Variants in MBP observed in about 807,000 individuals in gnomAD.
MBP encodes myelin basic protein.
Under a neutral mutation model 35.8 loss-of-function variants are expected in MBP, and 16 were observed. The ratio of observed to expected loss-of-function variants is 0.45; its 90% CI spans 0.30 to 0.68. The LOEUF (loss-of-function observed/expected upper bound fraction) is 0.68. Ranked by LOEUF, MBP falls within the 30% of genes least tolerant of loss-of-function variation. The pLI is 0.08. For synonymous variants in MBP, 143 were observed against 159.6 expected, an observed-to-expected ratio of 0.90 and a Z score of 0.78; for missense variants, 380 against 404.7, an observed-to-expected ratio of 0.94 and a Z score of 0.52.
chr18:77,093,654 A>C (rs1433345371), intron 2 of MBP, among the ~76,000 whole-genome samples: 1 of 152,176 alleles, frequency 6.6e-6, no homozygotes, highest in African/African-American at 2.4e-5. Context: ...TTACTGACTC[A>C]AAACGTTTGA....
intron 3 of MBP, among the ~76,000 whole-genome samples, chr18:77,031,977 G>A (rs1189946435): frequency 1.3e-5 from 2 of 152,256 alleles, no homozygotes; most frequent in African/African-American, 4.8e-5. Flanking sequence ...GAAACTTTGA[G>A]CGATGGCAAC....
chr18:77,014,990 C>T lies in MBP; in HGVS notation c.576+1842G>A, dbSNP rs181062822. The T allele has an allele frequency of 1.3e-4, 129 of 984,764 alleles. No homozygotes were observed. The Middle Eastern group carries it at 3.1e-3, about 24-fold the overall frequency. The allele number at this position is 984,764 out of a possible 1,614,324, so 61.0% of individuals were successfully genotyped here. The stretch of plus-strand genomic sequence containing the variant: ...TATGGGTCCTTGATAATTGGCCAGC[C>T]CTGTTTTGCAAAGAGATGGACTATT... On this transcript the variant is annotated intron_variant, in intron 4 of 8. Coordinates refer to ENST00000355994, the MANE Select transcript of MBP (RefSeq NM_001025101.2).
intron 3 of MBP, among the ~76,000 whole-genome samples, chr18:77,062,882 T>G (rs1347902170): frequency 6.6e-6 from 1 of 152,212 alleles, no homozygotes; most frequent in Non-Finnish European, 1.5e-5. Context: ...GGTATGCGTG[T>G]CCTGCAGAGT....
chr18:76,999,248 C>A (rs543100495), intron 4 of MBP, among the ~76,000 whole-genome samples: 1 of 152,234 alleles, frequency 6.6e-6, no homozygotes, highest in African/African-American at 2.4e-5. Context: ...ATGGGGGACG[C>A]TGAAGCGGGT....
intron 3 of MBP, among the ~76,000 whole-genome samples, chr18:77,043,806 G>A (rs996446788): frequency 6.6e-6 from 1 of 152,204 alleles, no homozygotes; most frequent in African/African-American, 2.4e-5. Flanking sequence ...ACACGCAGGA[G>A]CTGACACATC....
chr18:77,132,044 A>G, intron 1 of MBP, among the ~76,000 whole-genome samples: 1 of 152,012 alleles, frequency 6.6e-6, no homozygotes, highest in Non-Finnish European at 1.5e-5. Flanking sequence ...GGGTGTGATT[A>G]GCAGGCGCCG....
At chr18:77,064,617 T>C (rs768194501) in intron 3 of MBP, among the ~76,000 whole-genome samples, 7 of 152,132 alleles carry the variant, frequency 4.6e-5, no homozygotes, top group African/African-American at 1.4e-4. Flanking sequence ...AGGATGGAAT[T>C]GTAGAAAAGA....
intron 8 of MBP, chr18:76,981,212 C>T (rs575902930): frequency 6.6e-6 from 1 of 152,288 alleles, no homozygotes; most frequent in East Asian, 1.9e-4. Context: ...TCACTTAGAT[C>T]GACGAAGCAG....
chr18:77,123,520 C>A (rs1257492419), intron 1 of MBP, among the ~76,000 whole-genome samples: 1 of 152,234 alleles, frequency 6.6e-6, no homozygotes, highest in Non-Finnish European at 1.5e-5. Context: ...GAGGCACTCA[C>A]GGTCTGTTTC....
rs1350039068 is a variant in MBP, at chr18:77,044,961, GGT to G, written c.139+21335_139+21336del. ...AACATGAGTGTGTGTGTGTAAGTGT[GGT>G]GTGTGAGTGTGGAGTGTGTGAGTGT... On this transcript the variant is annotated intron_variant, in intron 3 of 8. Coordinates refer to ENST00000355994, the MANE Select transcript of MBP (RefSeq NM_001025101.2). The surrounding 1 kb of genome is among the most constrained non-coding windows in gnomAD (Gnocchi z 4.4). 8.1e-6 allele frequency among the ~76,000 whole-genome samples: 1 copy of G among 122,910 alleles called. No individual in the cohort carries two copies. Among genetic ancestry groups the G allele is most frequent in the Non-Finnish European group, 1.8e-5 (1 of 57,060 alleles). The allele number at this position is 122,910 out of a possible 152,430, so 80.6% of individuals were successfully genotyped here.
intron 4 of MBP, chr18:76,990,786 G>T: frequency 4.7e-6 from 1 of 214,346 alleles, no homozygotes. Flanking sequence ...GATTTTTTAA[G>T]GGCTTCTACT....
chr18:77,095,749 TGG>T (rs2145063106), intron 2 of MBP, among the ~76,000 whole-genome samples: 1 of 152,340 alleles, frequency 6.6e-6, no homozygotes, highest in East Asian at 1.9e-4. Flanking sequence ...CCCAGTCTTG[TGG>T]CTTCTGGACC....
intron 3 of MBP, among the ~76,000 whole-genome samples, chr18:77,033,621 A>C (rs140398799): frequency 1.0e-3 from 153 of 151,798 alleles, no homozygotes; most frequent in African/African-American, 3.4e-3. Flanking sequence ...TCACCCATCT[A>C]CTAGTCCACT....
intron 4 of MBP, among the ~76,000 whole-genome samples, chr18:77,008,675 T>C (rs9957016): frequency 5.3e-4 from 80 of 152,282 alleles, no homozygotes; most frequent in African/African-American, 1.9e-3. Context: ...AAGCCCTGGC[T>C]TCCTCTGCTG....
At chr18:77,116,168 A>T (rs1175269033) in intron 1 of MBP, among the ~76,000 whole-genome samples, 3 of 151,442 alleles carry the variant, frequency 2.0e-5, no homozygotes, top group Non-Finnish European at 4.4e-5. Context: ...GCAGCACTTT[A>T]CTGGGCAACT....
intron 7 of MBP, chr18:76,986,623 T>C (rs754163482): frequency 5.0e-4 from 496 of 985,418 alleles, no homozygotes; most frequent in Non-Finnish European, 5.6e-4. Flanking sequence ...GTCTAAGCAC[T>C]GCACACGAGG....
chr18:77,002,812 G>C (rs1317355769), intron 4 of MBP: 1 of 152,196 alleles, frequency 6.6e-6, no homozygotes, highest in African/African-American at 2.4e-5. Flanking sequence ...TCACTGGCTA[G>C]TCATAGGAGA....
chr18:77,057,468 G>A (rs1457164779), intron 3 of MBP, among the ~76,000 whole-genome samples: 3 of 152,148 alleles, frequency 2.0e-5, no homozygotes, highest in African/African-American at 4.8e-5. Flanking sequence ...AGGCAGCCAC[G>A]GAATCACAAT....
chr18:77,111,891 A>T (rs1007253137), intron 1 of MBP, among the ~76,000 whole-genome samples: 19 of 152,214 alleles, frequency 1.2e-4, no homozygotes, highest in African/African-American at 4.6e-4. Context: ...CAACTCATAT[A>T]TAAAATAAAA....
Sources: gnomAD v4.1 joint callset for allele counts (sites outside exome capture counted in the v4.1 genomes callset) on GRCh38, gnomAD v4.1.1 for gene constraint, Gnocchi (gnomAD v3.1) non-coding constraint, MANE v1.5 for transcripts, NCBI Gene and HGNC (gene_info 2026-07-23, HGNC 2026-07-21) for gene names.